The following IPO11 variants were observed in gnomAD, a reference collection of about 807,000 sequenced individuals.
IPO11 encodes importin-11.
Under a neutral mutation model 143.2 loss-of-function variants are expected in IPO11, and 66 were observed. That is an observed-to-expected ratio of 0.46 (90% confidence interval 0.38 to 0.57). The LOEUF is 0.57. IPO11 is among the 20% of genes least tolerant of loss of function. The pLI is 0.00. For synonymous variants in IPO11, 385 were observed against 377.8 expected (o/e 1.02, Z -0.22); for missense variants, 1,026 against 1,141.0 (o/e 0.90, Z 1.45).
intron 8 of IPO11, among the ~76,000 whole-genome samples, chr5:62,475,806 G>A (rs1745938259): frequency 6.6e-6 from 1 of 152,308 alleles, no homozygotes; most frequent in African/African-American, 2.4e-5. Context: ...AGAGACTATA[G>A]CATTTATATT....
intron 10 of IPO11, 77 bp downstream of exon 10, chr5:62,483,370 T>A (rs1158347069): frequency 2.5e-5 from 21 of 844,292 alleles, no homozygotes; most frequent in African/African-American, 3.5e-5. Context: ...ACAAACTTTT[T>A]AAAAAATGTC....
chr5:62,556,727 A>T (rs867154963), intron 26 of IPO11, among the ~76,000 whole-genome samples: 33 of 152,164 alleles, frequency 2.2e-4, no homozygotes, highest in Admixed American at 5.2e-4. Flanking sequence ...ATTTTTTTTT[A>T]AATGAAGTTT....
chr5:62,571,338 A>C (rs1003854325), intron 27 of IPO11, among the ~76,000 whole-genome samples: 2 of 152,158 alleles, frequency 1.3e-5, no homozygotes, highest in African/African-American at 4.8e-5. Flanking sequence ...TGTCATTCTC[A>C]GTTTTCTCAT....
intron 5 of IPO11, among the ~76,000 whole-genome samples, chr5:62,465,806 T>C (rs1296027773): frequency 6.6e-6 from 1 of 152,216 alleles, no homozygotes; most frequent in Non-Finnish European, 1.5e-5. Flanking sequence ...GTTCATTATT[T>C]AATTTGGATA....
At chr5:62,606,224 TA>T (rs565555430) in intron 29 of IPO11, among the ~76,000 whole-genome samples, 172 of 151,912 alleles carry the variant, frequency 1.1e-3, no homozygotes, top group Middle Eastern at 6.8e-3. Context: ...CTTATGCCTG[TA>T]ATCCCAGTAC....
chr5:62,561,645 A>G, intron 27 of IPO11, among the ~76,000 whole-genome samples: 1 of 152,202 alleles, frequency 6.6e-6, no homozygotes, highest in East Asian at 1.9e-4. Context: ...TGTTAATTCA[A>G]CAGTATTATT....
intron 3 of IPO11, among the ~76,000 whole-genome samples, chr5:62,448,421 A>G (rs929002368): frequency 1.3e-5 from 2 of 152,258 alleles, no homozygotes; most frequent in Admixed American, 6.5e-5. Flanking sequence ...AGGGAGGACA[A>G]CTATATTCAA....
intron 5 of IPO11, among the ~76,000 whole-genome samples, chr5:62,452,359 TG>T (rs1229156826): frequency 6.6e-6 from 1 of 151,376 alleles, no homozygotes; most frequent in Non-Finnish European, 1.5e-5. Flanking sequence ...CATTTTAAGC[TG>T]GGCAGTGATA....
At chr5:62,477,221 TA>T (rs1341902629) in intron 9 of IPO11, among the ~76,000 whole-genome samples, 24 of 152,204 alleles carry the variant, frequency 1.6e-4, no homozygotes, top group Admixed American at 1.5e-3. Context: ...TTACATTTTA[TA>T]AAACATTAAC....
intron 28 of IPO11, among the ~76,000 whole-genome samples, chr5:62,594,702 A>G (rs946770907): frequency 2.0e-5 from 3 of 152,198 alleles, no homozygotes; most frequent in Non-Finnish European, 4.4e-5. Context: ...TTGTTGACAG[A>G]TCATCTTTTT....
At chr5:62,448,033 G>A (rs1352280686) in intron 3 of IPO11, among the ~76,000 whole-genome samples, 1 of 152,068 alleles carries the variant, frequency 6.6e-6, no homozygotes, top group African/African-American at 2.4e-5. Context: ...TGTTTTCTGT[G>A]TGTCTTGTTA....
intron 26 of IPO11, among the ~76,000 whole-genome samples, chr5:62,553,140 C>G (rs1353446511): frequency 1.3e-5 from 2 of 152,030 alleles, no homozygotes; most frequent in Non-Finnish European, 2.9e-5. Flanking sequence ...GTCTAGTAAC[C>G]ACTATTCTAC....
At chr5:62,549,719 C>T (rs1327122042) in intron 24 of IPO11, among the ~76,000 whole-genome samples, 2 of 152,168 alleles carry the variant, frequency 1.3e-5, no homozygotes, top group Non-Finnish European at 2.9e-5. Flanking sequence ...AATAAACAAA[C>T]TCCACCCTGC....
At chr5:62,467,636 A>C (rs1580213073) in intron 6 of IPO11, among the ~76,000 whole-genome samples, 1 of 152,166 alleles carries the variant, frequency 6.6e-6, no homozygotes, top group South Asian at 2.1e-4. Context: ...TGGAATGAGC[A>C]CTGTCTTTCA....
At chr5:62,551,363 G>C in intron 26 of IPO11, 27 bp downstream of exon 26, 1 of 1,169,408 alleles carries the variant, frequency 8.6e-7, no homozygotes, top group Non-Finnish European at 1.3e-6. Context: ...TTAAATTTAA[G>C]GAAGTCTTTA....
At chr5:62,452,523 A>G (rs1367040516) in intron 5 of IPO11, among the ~76,000 whole-genome samples, 2 of 151,058 alleles carry the variant, frequency 1.3e-5, no homozygotes, top group East Asian at 1.9e-4. Flanking sequence ...TTAGGTGGGC[A>G]TAGAGTTGAC....
chr5:62,500,299 A>C (rs1194756376), intron 16 of IPO11, among the ~76,000 whole-genome samples: 1 of 152,112 alleles, frequency 6.6e-6, no homozygotes, highest in African/African-American at 2.4e-5. Flanking sequence ...AAACAACAAC[A>C]AAAAATGCCT....
intron 12 of IPO11, among the ~76,000 whole-genome samples, chr5:62,485,695 A>C (rs903026172): frequency 6.6e-6 from 1 of 151,868 alleles, no homozygotes; most frequent in Non-Finnish European, 1.5e-5. Context: ...AAAAAGGAAA[A>C]AAAAATTAGA....
In IPO11 at chr5:62,598,382, TG is replaced by T. The variant is rs1745308229; in HGVS notation, c.2679-3381del. ...TGAAACGACCCATAAATTGTTTGCTTGCTTGCTTGCTTTCTTTCTTTCTTTC... is the reference window on the plus strand; with the variant it reads ...TGAAACGACCCATAAATTGTTTGCTTCTTGCTTGCTTTCTTTCTTTCTTTC... On this transcript the variant is annotated intron_variant, in intron 28 of 29. Coordinates refer to ENST00000325324, the MANE Select transcript of IPO11 (RefSeq NM_016338.5). 4.8e-4 allele frequency among the ~76,000 whole-genome samples: 3 copies of T among 6,272 alleles called. 1 individual carries two copies. Among genetic ancestry groups the T allele is most frequent in the East Asian group, 3.9e-3 (2 of 512 alleles). The allele number at this position is 6,272 out of a possible 152,430, so 4.1% of individuals were successfully genotyped here. A position where few individuals can be genotyped will look rare whatever the true frequency, so the allele number is the denominator to read the frequency against.
Sources: allele counts gnomAD v4.1 joint callset (sites outside exome capture counted in the v4.1 genomes callset), GRCh38; gene constraint gnomAD v4.1.1; transcripts MANE v1.5; gene names NCBI Gene and HGNC (gene_info 2026-07-23, HGNC 2026-07-21).